FNDC3A: variants seen among roughly 807,000 people sequenced by gnomAD.
The protein encoded by FNDC3A is fibronectin type III domain containing 3A.
A neutral mutation model predicts 148.9 loss-of-function variants in FNDC3A; 32 were observed. The ratio of observed to expected loss-of-function variants is 0.21; its 90% CI spans 0.16 to 0.29. FNDC3A has a LOEUF of 0.29. FNDC3A is among the 10% of genes least tolerant of loss of function. The probability of loss-of-function intolerance (pLI) is 1.00; values close to 1 mark genes in which losing one functional copy is unlikely to be tolerated. For missense variants in FNDC3A, 1,191 were observed against 1,452.8 expected, an observed-to-expected ratio of 0.82 and a Z score of 2.93; for synonymous variants, 472 against 473.6, an observed-to-expected ratio of 1.00 and a Z score of 0.04.
chr13:49,175,181 A>G (rs1157967306), intron 12 of FNDC3A, among the ~76,000 whole-genome samples, 186 bp from the exon 13 acceptor site: 2 of 152,218 alleles, frequency 1.3e-5, no homozygotes, highest in Admixed American at 1.3e-4. Flanking sequence ...TTTTTAATAG[A>G]ACACTAATTC....
chr13:49,153,568 G>A (rs548432334), intron 8 of FNDC3A, among the ~76,000 whole-genome samples: 1 of 152,130 alleles, frequency 6.6e-6, no homozygotes, highest in Non-Finnish European at 1.5e-5. Flanking sequence ...ATTGCTTTTG[G>A]TGTTTTAGAC....
chr13:49,135,888 G>A (rs1882327490), intron 5 of FNDC3A, among the ~76,000 whole-genome samples: 1 of 151,894 alleles, frequency 6.6e-6, no homozygotes, highest in Admixed American at 6.6e-5. Flanking sequence ...TTGCTTTTTT[G>A]AGTTATAAGG....
chr13:49,005,905 T>A (rs1952211780), intron 1 of FNDC3A, among the ~76,000 whole-genome samples: 1 of 151,958 alleles, frequency 6.6e-6, no homozygotes, highest in Non-Finnish European at 1.5e-5. Flanking sequence ...TAGAGCCTGC[T>A]GATATTCGCT....
chr13:49,074,127 T>G (rs771251089), intron 2 of FNDC3A, among the ~76,000 whole-genome samples: 5 of 152,070 alleles, frequency 3.3e-5, no homozygotes, highest in Non-Finnish European at 5.9e-5. Context: ...CAGGTGGTGT[T>G]TGGTTACATG....
At chr13:49,068,594 A>G (rs1388040693) in intron 2 of FNDC3A, among the ~76,000 whole-genome samples, 1 of 152,202 alleles carries the variant, frequency 6.6e-6, no homozygotes, top group East Asian at 1.9e-4. Flanking sequence ...TCATGAAGAT[A>G]CATGCATGCA....
At position 49,191,205 on chromosome 13, in the gene FNDC3A, T is replaced by C; in HGVS notation, c.2051-4T>C. 6.2e-7 allele frequency: 1 copy of C among 1,606,178 alleles called. No homozygotes were observed. The highest frequency in any genetic ancestry group is 1.1e-5 in the South Asian group (1 of 89,744). ...TAAATTGCATTAATCTTTCCATCTTTTAGGACCCCCTCTGGTTGATGGTGG... is the reference window on the plus strand; with the variant it reads ...TAAATTGCATTAATCTTTCCATCTTCTAGGACCCCCTCTGGTTGATGGTGG... On this transcript the variant is annotated splice_region_variant and splice_polypyrimidine_tract_variant and intron_variant, in intron 18 of 25. Coordinates refer to ENST00000492622, the MANE Select transcript of FNDC3A (RefSeq NM_001079673.2).
intron 8 of FNDC3A, among the ~76,000 whole-genome samples, chr13:49,148,947 G>A (rs953009109): frequency 6.6e-6 from 1 of 151,878 alleles, no homozygotes; most frequent in African/African-American, 2.4e-5. Flanking sequence ...TTCTTAGGGT[G>A]TTTTTTCTTT....
chr13:49,055,016 A>G (rs934726629), intron 2 of FNDC3A, among the ~76,000 whole-genome samples: 3 of 151,870 alleles, frequency 2.0e-5, no homozygotes, highest in Admixed American at 6.6e-5. Flanking sequence ...AAATATGATT[A>G]ATTTCTAGGT....
intron 5 of FNDC3A, among the ~76,000 whole-genome samples, chr13:49,131,987 A>G (rs1465706980): frequency 6.6e-6 from 1 of 152,218 alleles, no homozygotes; most frequent in African/African-American, 2.4e-5. Context: ...CTAAACAGAA[A>G]TGTCAAATGT....
chr13:49,185,860 T>G, intron 14 of FNDC3A, 104 bp from the exon 15 acceptor site: 1 of 855,416 alleles, frequency 1.2e-6, no homozygotes, highest in East Asian at 2.5e-5. Context: ...AAAAATGTAT[T>G]TTATCATTTG....
At chr13:49,158,175 T>C (rs1003544609) in intron 8 of FNDC3A, among the ~76,000 whole-genome samples, 2 of 152,122 alleles carry the variant, frequency 1.3e-5, no homozygotes, top group Non-Finnish European at 2.9e-5. Context: ...TCTGTGAGAC[T>C]CCGTGGGCGT....
chr13:49,050,540 G>A (rs1875758566), intron 2 of FNDC3A, among the ~76,000 whole-genome samples: 1 of 152,154 alleles, frequency 6.6e-6, no homozygotes, highest in Non-Finnish European at 1.5e-5. Context: ...TAAATTTACT[G>A]AAACTTGTTT....
At chr13:49,168,816 A>C in intron 10 of FNDC3A, 65 bp downstream of exon 10, 1 of 1,442,920 alleles carries the variant, frequency 6.9e-7, no homozygotes, top group Non-Finnish European at 9.6e-7. Flanking sequence ...TGGTAGTATT[A>C]AGTTTCAATT....
At chr13:49,032,965 TAA>T (rs1421265761) in intron 2 of FNDC3A, among the ~76,000 whole-genome samples, 1 of 152,148 alleles carries the variant, frequency 6.6e-6, no homozygotes, top group African/African-American at 2.4e-5. Flanking sequence ...AATCCAGAAA[TAA>T]GTTATTATTA....
At chr13:49,110,287 T>G in intron 3 of FNDC3A, 5 of 1,500,452 alleles carry the variant, frequency 3.3e-6, no homozygotes, top group Middle Eastern at 1.8e-4. Context: ...GATCTTTTCC[T>G]CTTACAGCCT....
chr13:49,203,798 A>G (rs1184611540), intron 25 of FNDC3A, among the ~76,000 whole-genome samples: 1 of 152,178 alleles, frequency 6.6e-6, no homozygotes, highest in African/African-American at 2.4e-5. Flanking sequence ...TGCCTATTAA[A>G]TCTGATGAAC....
intron 9 of FNDC3A, among the ~76,000 whole-genome samples, chr13:49,168,291 G>T (rs748241694): frequency 6.6e-6 from 1 of 152,100 alleles, no homozygotes; most frequent in Non-Finnish European, 1.5e-5. Flanking sequence ...GTTATATTCA[G>T]CATTTTTTAA....
chr13:49,025,060 C>T (rs1873602405), intron 2 of FNDC3A, among the ~76,000 whole-genome samples: 2 of 151,918 alleles, frequency 1.3e-5, no homozygotes, highest in Admixed American at 1.3e-4. Flanking sequence ...GGAATCATGG[C>T]TGTAGGACAA....
At chr13:49,074,823 C>T (rs2137778815) in intron 2 of FNDC3A, among the ~76,000 whole-genome samples, 2 of 152,038 alleles carry the variant, frequency 1.3e-5, no homozygotes, top group South Asian at 2.1e-4. Context: ...TATGTATTAC[C>T]TTTATAATAA....
Sources: allele counts gnomAD v4.1 joint callset (sites outside exome capture counted in the v4.1 genomes callset), GRCh38; gene constraint gnomAD v4.1.1; transcripts MANE v1.5; gene names NCBI Gene and HGNC (gene_info 2026-07-23, HGNC 2026-07-21).